The following MYO5B variants were observed in gnomAD, a reference collection of about 807,000 sequenced individuals.
The protein encoded by MYO5B is myosin VB, also known as unconventional myosin-Vb.
A neutral mutation model predicts 229.3 loss-of-function variants in MYO5B; 143 were observed. The ratio of observed to expected loss-of-function variants is 0.62; its 90% CI spans 0.54 to 0.72. The LOEUF is 0.72. Ranked by LOEUF, MYO5B falls within the 30% of genes least tolerant of loss-of-function variation. The probability of loss-of-function intolerance (pLI) is 0.00; values close to 1 mark genes in which losing one functional copy is unlikely to be tolerated. For missense variants in MYO5B, 2,321 were observed against 2,331.0 expected, an observed-to-expected ratio of 1.00 and a Z score of 0.09; for synonymous variants, 918 against 885.2, an observed-to-expected ratio of 1.04 and a Z score of -0.66.
chr18:49,912,485 G>T (rs2024969308), intron 17 of MYO5B, among the ~76,000 whole-genome samples: 1 of 152,200 alleles, frequency 6.6e-6, no homozygotes, highest in East Asian at 1.9e-4. Flanking sequence ...ATCTCATCGT[G>T]AATTGTACCT....
At chr18:49,876,063 C>T (rs1164225603) in intron 25 of MYO5B, among the ~76,000 whole-genome samples, 2 of 152,216 alleles carry the variant, frequency 1.3e-5, no homozygotes, top group Non-Finnish European at 2.9e-5. Context: ...ATTTATATTC[C>T]TCCTGTGTGA....
At chr18:50,057,717 A>G (rs1190942182) in intron 1 of MYO5B, among the ~76,000 whole-genome samples, 1 of 152,050 alleles carries the variant, frequency 6.6e-6, no homozygotes, top group Admixed American at 6.6e-5. Context: ...ATTGTCCCAT[A>G]CCCACAAAAC....
intron 22 of MYO5B, among the ~76,000 whole-genome samples, chr18:49,883,871 T>C (rs2024615483): frequency 1.3e-5 from 2 of 152,184 alleles, no homozygotes; most frequent in South Asian, 4.1e-4. Context: ...AAAAGAATAG[T>C]CTTATAATCA....
intron 16 of MYO5B, among the ~76,000 whole-genome samples, chr18:49,930,546 C>T (rs576118495): frequency 2.0e-5 from 3 of 152,092 alleles, no homozygotes; most frequent in African/African-American, 7.2e-5. Flanking sequence ...GGTGAAAATG[C>T]CAAAAGAAGC....
chr18:49,886,858 C>T (rs2024648359), intron 22 of MYO5B, among the ~76,000 whole-genome samples: 1 of 152,158 alleles, frequency 6.6e-6, no homozygotes, highest in Non-Finnish European at 1.5e-5. Flanking sequence ...ACTCATCCAT[C>T]ACACATTTCC....
intron 4 of MYO5B, among the ~76,000 whole-genome samples, chr18:50,020,233 G>A (rs959888514): frequency 9.9e-5 from 15 of 152,188 alleles, no homozygotes; most frequent in Admixed American, 7.8e-4. Flanking sequence ...CACTCCCCAG[G>A]GATTTGCCAG....
At chr18:50,059,544 C>A (rs1330011106) in intron 1 of MYO5B, among the ~76,000 whole-genome samples, 1 of 152,228 alleles carries the variant, frequency 6.6e-6, no homozygotes, top group Middle Eastern at 3.4e-3. Context: ...GCTTTAGATG[C>A]AAATCTAGTA....
intron 6 of MYO5B, 77 bp from the exon 7 acceptor site, chr18:49,990,597 T>C (rs553469763): frequency 7.9e-7 from 1 of 1,262,832 alleles, no homozygotes; most frequent in African/African-American, 1.5e-5. Context: ...AATCCCAGGG[T>C]GCTCCAGGTG....
intron 22 of MYO5B, among the ~76,000 whole-genome samples, chr18:49,892,022 T>A (rs562758555): frequency 3.9e-5 from 6 of 152,076 alleles, no homozygotes; most frequent in Admixed American, 6.5e-5. Flanking sequence ...TCTGGTCCCA[T>A]TGAGCAGCCT....
intron 2 of MYO5B, among the ~76,000 whole-genome samples, chr18:50,044,715 C>CA (rs765611177): frequency 6.6e-6 from 1 of 152,194 alleles, no homozygotes; most frequent in Non-Finnish European, 1.5e-5. Context: ...CTCAGTTTCT[C>CA]AGTCACACTA....
At chr18:49,884,057 GCCAAATACAATGCCAAAAGCACAAGCCA>G (rs140092423) in intron 22 of MYO5B, among the ~76,000 whole-genome samples, 89,502 of 150,956 alleles carry the variant, frequency 0.59, 26,644 homozygotes, top group Middle Eastern at 0.67. Context: ...TTAGGCACAA[GCCAAATACAATGCCAAAAGCACAAGCCA>G]CCAAATACAA....
At position 49,839,224 on chromosome 18, in the gene MYO5B, C is replaced by T. The variant is rs753535746; in HGVS notation, c.4772G>A (p.Arg1591His). ...CLKNFDLTEY[R>H]QVLSDLSIQI... Reference sequence around the variant, plus strand: ...AATGGAAAGGTCACTCAGCACCTGACGGTATTCGGTGAGGTCAAAATTCTT... The same window carrying T: ...AATGGAAAGGTCACTCAGCACCTGATGGTATTCGGTGAGGTCAAAATTCTT... The change falls in exon 36 of 40, where the codon CGT becomes CAT. Residue 1591 changes from arginine (R) to histidine (H), a missense_variant. This residue lies in a region of MYO5B where 2,113 missense variants were observed against 2,044.7 expected (regional missense o/e 1.03). Coordinates refer to ENST00000285039, the MANE Select transcript of MYO5B (RefSeq NM_001080467.3). The T allele has an allele frequency of 9.3e-6, 15 of 1,613,998 alleles. No individual in the cohort carries two copies. Among genetic ancestry groups the T allele is most frequent in the Middle Eastern group, 1.6e-4 (1 of 6,084 alleles).
intron 6 of MYO5B, 81 bp from the exon 7 acceptor site, chr18:49,990,601 C>CCA (rs2025920531): frequency 1.6e-6 from 2 of 1,222,774 alleles, no homozygotes; most frequent in African/African-American, 3.0e-5. Flanking sequence ...CCAGGGTGCT[C>CCA]CAGGTGGTGG....
intron 1 of MYO5B, among the ~76,000 whole-genome samples, chr18:50,108,153 C>T (rs2031795859): frequency 6.6e-6 from 1 of 152,204 alleles, no homozygotes; most frequent in African/African-American, 2.4e-5. Context: ...AGAGATCTGC[C>T]TACCCTGGCC....
At chr18:50,144,748 T>C (rs1188334597) in intron 1 of MYO5B, among the ~76,000 whole-genome samples, 2 of 152,226 alleles carry the variant, frequency 1.3e-5, no homozygotes, top group East Asian at 1.9e-4. Flanking sequence ...AAGAAGTGTA[T>C]GGATTATGAA....
intron 2 of MYO5B, among the ~76,000 whole-genome samples, chr18:50,043,667 A>AATAT (rs1363737411): frequency 1.6e-4 from 22 of 139,818 alleles, no homozygotes; most frequent in African/African-American, 5.8e-4. Context: ...AAATATATAA[A>AATAT]ATATATTTAT....
intron 1 of MYO5B, among the ~76,000 whole-genome samples, chr18:50,192,330 C>A (rs551601365): frequency 6.6e-6 from 1 of 152,272 alleles, no homozygotes; most frequent in South Asian, 2.1e-4. Context: ...TGAATTGTAA[C>A]GGGATGAAAT....
chr18:49,926,844 C>T (rs2025133459), intron 17 of MYO5B, among the ~76,000 whole-genome samples: 1 of 152,122 alleles, frequency 6.6e-6, no homozygotes, highest in Non-Finnish European at 1.5e-5. Context: ...TCAGCCTTAA[C>T]AAGGAAGAAA....
At chr18:50,018,420 T>C (rs1331665723) in intron 4 of MYO5B, among the ~76,000 whole-genome samples, 2 of 152,226 alleles carry the variant, frequency 1.3e-5, no homozygotes, top group African/African-American at 4.8e-5. Context: ...AATTGTTCAT[T>C]CCTTATATGC....
Sources: allele counts gnomAD v4.1 joint callset (sites outside exome capture counted in the v4.1 genomes callset), GRCh38; gene constraint gnomAD v4.1.1; regional missense constraint gnomAD v4.1.1; transcripts MANE v1.5; gene names NCBI Gene and HGNC (gene_info 2026-07-23, HGNC 2026-07-21).